CTSC: variants seen among roughly 807,000 people sequenced by gnomAD.
CTSC encodes cathepsin C.
A neutral mutation model predicts 40.9 loss-of-function variants in CTSC; 37 were observed. The ratio of observed to expected loss-of-function variants is 0.91; its 90% confidence interval spans 0.70 to 1.19. The LOEUF (loss-of-function observed/expected upper bound fraction) is 1.19, where lower values mean the gene tolerates loss of function less well. Among genes scored for constraint, CTSC ranks in the 50% most tolerant of loss-of-function variants. CTSC has a pLI of 0.00. For missense variants in CTSC, 594 were observed against 567.3 expected, an observed-to-expected ratio of 1.05 and a Z score of -0.48; for synonymous variants, 232 against 207.4, an observed-to-expected ratio of 1.12 and a Z score of -1.02.
At chr11:88,326,491 G>T in intron 2 of CTSC, 3 of 1,154,588 alleles carry the variant, frequency 2.6e-6, no homozygotes, top group Non-Finnish European at 3.9e-6. Flanking sequence ...GGATCATATT[G>T]TCTCTTAATA....
intron 5 of CTSC, chr11:88,296,751 G>A: frequency 4.9e-6 from 1 of 204,316 alleles, no homozygotes; most frequent in East Asian, 1.3e-4. Flanking sequence ...CTTAGGAGGT[G>A]GGGCCTTTGG....
chr11:88,314,300 T>A (rs1937829464), intron 2 of CTSC, among the ~76,000 whole-genome samples: 1 of 152,164 alleles, frequency 6.6e-6, no homozygotes, highest in African/African-American at 2.4e-5. Context: ...AACCCCCAGT[T>A]TAGAGAAATG....
intron 2 of CTSC, among the ~76,000 whole-genome samples, chr11:88,312,965 A>T (rs1937796194): frequency 6.6e-6 from 1 of 152,230 alleles, no homozygotes; most frequent in Admixed American, 6.5e-5. Flanking sequence ...AGGAGCTCCT[A>T]CCAAGGCAAC....
rs1591223476 is a variant in CTSC at position 88,302,022 on chromosome 11, C to T, written c.642-1377G>A. 2.0e-5 allele frequency among the ~76,000 whole-genome samples: 3 copies of T among 152,168 alleles called. No individual in the cohort carries two copies. In the East Asian group the frequency reaches 5.8e-4, roughly 29 times the overall value. ...ATTTTCAAAACTGCTCATAAAGTAGCCTCCACTCACCAGCCCCCAGCGAAA... is the reference window on the plus strand; with the variant it reads ...ATTTTCAAAACTGCTCATAAAGTAGTCTCCACTCACCAGCCCCCAGCGAAA... On this transcript the variant is annotated intron_variant, in intron 4 of 6. Coordinates refer to ENST00000227266, the MANE Select transcript of CTSC (RefSeq NM_001814.6).
chr11:88,329,588 A>C (rs1469895642), intron 2 of CTSC, among the ~76,000 whole-genome samples: 2 of 152,106 alleles, frequency 1.3e-5, no homozygotes, highest in African/African-American at 4.8e-5. Context: ...AGCTTTATAC[A>C]TGATCATCAT....
chr11:88,320,958 A>C (rs537825489), intron 2 of CTSC: 1 of 984,834 alleles, frequency 1.0e-6, no homozygotes, highest in South Asian at 4.7e-5. Flanking sequence ...AGGAATACAA[A>C]CAGGCAATTA....
At chr11:88,312,337 A>G in intron 3 of CTSC, 51 bp downstream of exon 3, 1 of 1,566,022 alleles carries the variant, frequency 6.4e-7, no homozygotes, top group Non-Finnish European at 8.8e-7. Context: ...ACACATATTC[A>G]TATATACTAT....
At position 88,320,198 on chromosome 11, in the gene CTSC, A is replaced by C. The variant is rs1330955195; in HGVS notation, c.319-7644T>G. ...ATAGTTACAGTGGTTACAGCCAAGC[A>C]ACTTCCAGCATTTTACTGAAGGAAC... On this transcript the variant is annotated intron_variant, in intron 2 of 6. Coordinates refer to ENST00000227266, the MANE Select transcript of CTSC (RefSeq NM_001814.6). 2.6e-5 allele frequency among the ~76,000 whole-genome samples: 4 copies of C among 152,340 alleles called. No individual in the cohort carries two copies. In the East Asian group the frequency reaches 7.7e-4, roughly 29 times the overall value.
intron 4 of CTSC, among the ~76,000 whole-genome samples, chr11:88,308,493 T>A (rs1591227427): frequency 6.6e-6 from 1 of 151,618 alleles, no homozygotes; most frequent in Non-Finnish European, 1.5e-5. Context: ...TTATTTTATT[T>A]TATCTTACCT....
intron 4 of CTSC, among the ~76,000 whole-genome samples, chr11:88,305,643 A>C (rs1937624804): frequency 1.3e-5 from 2 of 152,248 alleles, no homozygotes; most frequent in South Asian, 4.1e-4. Flanking sequence ...CTTAGAACAG[A>C]ACTAATTTAT....
intron 2 of CTSC, among the ~76,000 whole-genome samples, chr11:88,331,311 A>C (rs1482965963): frequency 2.0e-5 from 3 of 152,172 alleles, no homozygotes; most frequent in Non-Finnish European, 4.4e-5. Flanking sequence ...AGGCCTCCAG[A>C]ACTTCTGATG....
intron 2 of CTSC, among the ~76,000 whole-genome samples, chr11:88,328,722 G>T (rs1253011096): frequency 6.6e-6 from 1 of 152,070 alleles, no homozygotes; most frequent in African/African-American, 2.4e-5. Context: ...CCACCTCCCG[G>T]GTTCAAGCGA....
chr11:88,300,620 C>T lies in CTSC; in HGVS notation c.667G>A (p.Glu223Lys), dbSNP rs1944349093. ...PRPKPAPLTA[E>K]IQQKILHLPT... ...AAATGCAAAATCTTTTGCTGTATTT[C>T]AGCAGTCAGTGGTGCAGGTTTGGGC... The change falls in exon 5 of 7, where the codon GAA becomes AAA. Residue 223 changes from glutamate (E) to lysine (K), a missense_variant. Transcript: ENST00000227266. The T allele has an allele frequency of 6.2e-7, 1 of 1,613,244 alleles. No individual in the cohort carries two copies. The highest frequency in any genetic ancestry group is 8.5e-7 in the Non-Finnish European group (1 of 1,179,306).
At chr11:88,318,017 C>A (rs946423112) in intron 2 of CTSC, among the ~76,000 whole-genome samples, 3 of 152,066 alleles carry the variant, frequency 2.0e-5, no homozygotes, top group Non-Finnish European at 4.4e-5. Flanking sequence ...TTAGATATAC[C>A]TAGTCATAGG....
At chr11:88,324,521 G>A in intron 2 of CTSC, 4 of 980,312 alleles carry the variant, frequency 4.1e-6, no homozygotes, top group Non-Finnish European at 4.8e-6. Flanking sequence ...TTCTTTGTAA[G>A]TTGGTAATAC....
Position 88,337,655 on chromosome 11 carries a change from G to T in CTSC, c.18C>A (p.Ser6=). 1.3e-6 allele frequency: 2 copies of T among 1,580,108 alleles called. No individual in the cohort carries two copies. The highest frequency in any genetic ancestry group is 1.7e-6 in the Non-Finnish European group (2 of 1,162,538). The change falls in exon 1 of 7, where the codon TCC becomes TCA. Residue 6 remains serine (S), a synonymous_variant. Coordinates refer to ENST00000227266, the MANE Select transcript of CTSC (RefSeq NM_001814.6). MGAGP[S]LLLAALLLLL... ...GCAGCAGGAGGGCGGCGAGCAGCAA[G>T]GAGGGCCCAGCACCCATGCTGCAGG...
rs1938531141 is a variant in CTSC, at chr11:88,337,437, G to A, written c.172+64C>T. On this transcript the variant is annotated intron_variant, in intron 1 of 6. Coordinates refer to ENST00000227266, the MANE Select transcript of CTSC (RefSeq NM_001814.6). Reference sequence around the variant, plus strand: ...CTGGGGGGAAGCGGTAGTTGGCGTGGCGCTGCGTTAGGGGCTCAAGGGCAG... The same window carrying A: ...CTGGGGGGAAGCGGTAGTTGGCGTGACGCTGCGTTAGGGGCTCAAGGGCAG... 4.0e-6 allele frequency: 6 copies of A among 1,485,644 alleles called. No homozygotes were observed. The Admixed American group carries it at 5.9e-5, about 15-fold the overall frequency. The allele number at this position is 1,485,644 out of a possible 1,614,324, so 92.0% of individuals were successfully genotyped here.
chr11:88,300,861 T>C (rs767527423), intron 4 of CTSC, among the ~76,000 whole-genome samples: 12 of 152,094 alleles, frequency 7.9e-5, no homozygotes, highest in African/African-American at 2.9e-4. Flanking sequence ...GGATCTAGTA[T>C]TGATAATTTT....
At chr11:88,335,595 T>C (rs1044845846) in intron 1 of CTSC, among the ~76,000 whole-genome samples, 11 of 152,070 alleles carry the variant, frequency 7.2e-5, no homozygotes, top group Non-Finnish European at 1.6e-4. Context: ...AAGAGAGATA[T>C]GCTATGCAGC....
Sources: allele counts gnomAD v4.1 joint callset (sites outside exome capture counted in the v4.1 genomes callset), GRCh38; gene constraint gnomAD v4.1.1; transcripts MANE v1.5; gene names NCBI Gene and HGNC (gene_info 2026-07-23, HGNC 2026-07-21).